The following LPP variants were observed in gnomAD, a reference collection of about 807,000 sequenced individuals.
The protein encoded by LPP is LIM domain containing preferred translocation partner in lipoma.
LPP carries 38 observed loss-of-function variants against 60.4 expected under a neutral mutation model. The ratio of observed to expected loss-of-function variants is 0.63; its 90% CI spans 0.49 to 0.83. LPP has a LOEUF of 0.83. Ranked by LOEUF, LPP falls within the 40% of genes least tolerant of loss-of-function variation. The pLI, the probability that LPP is intolerant of heterozygous loss-of-function variation, is 0.00. For synonymous variants in LPP, 328 were observed against 290.8 expected, an observed-to-expected ratio of 1.13 and a Z score of -1.30; for missense variants, 902 against 783.6, an observed-to-expected ratio of 1.15 and a Z score of -1.80.
intron 2 of LPP, chr3:188,240,244 T>A (rs1723606846): frequency 5.7e-6 from 1 of 174,788 alleles, no homozygotes; most frequent in Admixed American, 6.3e-5. Flanking sequence ...GTATCAAATT[T>A]TAAGCCAAAA....
chr3:188,574,536 A>G (rs1422241082), intron 6 of LPP, among the ~76,000 whole-genome samples: 2 of 152,196 alleles, frequency 1.3e-5, no homozygotes, highest in African/African-American at 4.8e-5. Flanking sequence ...CAAGAATAGT[A>G]TCTCTTCCTG....
At chr3:188,834,438 G>T (rs1159073100) in intron 9 of LPP, among the ~76,000 whole-genome samples, 1 of 147,850 alleles carries the variant, frequency 6.8e-6, no homozygotes, top group Non-Finnish European at 1.5e-5. Context: ...TCTGAGCCTG[G>T]TTCCTTGACG....
chr3:188,385,567 T>G (rs1398622195), intron 3 of LPP, among the ~76,000 whole-genome samples: 1 of 152,202 alleles, frequency 6.6e-6, no homozygotes, highest in Non-Finnish European at 1.5e-5. Flanking sequence ...GTTCCATACT[T>G]GTGGTATGGA....
chr3:188,848,178 T>C (rs574282518), intron 9 of LPP, among the ~76,000 whole-genome samples: 1 of 152,262 alleles, frequency 6.6e-6, no homozygotes, highest in Non-Finnish European at 1.5e-5. Context: ...TGATCTTATC[T>C]AATTGTTATG....
At chr3:188,279,135 T>G (rs1009403602) in intron 2 of LPP, among the ~76,000 whole-genome samples, 53 of 152,206 alleles carry the variant, frequency 3.5e-4, no homozygotes, top group Admixed American at 9.2e-4. Flanking sequence ...TAGTAGGAGA[T>G]CAAGTGGACT....
At chr3:188,828,170 A>G (rs1283218614) in intron 9 of LPP, among the ~76,000 whole-genome samples, 1 of 150,146 alleles carries the variant, frequency 6.7e-6, no homozygotes, top group African/African-American at 2.5e-5. Context: ...GTGGGGACAC[A>G]ATAAACAAAA....
At chr3:188,202,984 G>T (rs1731499574) in intron 1 of LPP, among the ~76,000 whole-genome samples, 1 of 150,228 alleles carries the variant, frequency 6.7e-6, no homozygotes, top group Non-Finnish European at 1.5e-5. Flanking sequence ...TTATTGCAGG[G>T]TTTATTTTAT....
At chr3:188,817,333 A>G (rs1450213147) in intron 9 of LPP, among the ~76,000 whole-genome samples, 2 of 152,184 alleles carry the variant, frequency 1.3e-5, no homozygotes, top group African/African-American at 4.8e-5. Context: ...TCCAGTGTGT[A>G]GTAGTGGGCA....
chr3:188,649,957 G>A (rs1851776162), intron 7 of LPP, among the ~76,000 whole-genome samples: 1 of 152,088 alleles, frequency 6.6e-6, no homozygotes, highest in African/African-American at 2.4e-5. Context: ...TTGTTTCTAT[G>A]TCTCTATTAT....
chr3:188,276,226 C>T (rs1739628860), intron 2 of LPP, among the ~76,000 whole-genome samples: 1 of 152,198 alleles, frequency 6.6e-6, no homozygotes, highest in Non-Finnish European at 1.5e-5. Flanking sequence ...CTCTGCTTAT[C>T]AACACAGCCA....
chr3:188,321,892 C>A (rs983078584), intron 2 of LPP, among the ~76,000 whole-genome samples: 8 of 152,148 alleles, frequency 5.3e-5, no homozygotes, highest in African/African-American at 1.9e-4. Flanking sequence ...TATAAGGCAT[C>A]CCATTTTCTT....
chr3:188,643,706 A>G (rs1850600776), intron 7 of LPP, among the ~76,000 whole-genome samples: 1 of 152,264 alleles, frequency 6.6e-6, no homozygotes, highest in South Asian at 2.1e-4. Context: ...CTGGCAGACC[A>G]TGAGACACCC....
intron 5 of LPP, among the ~76,000 whole-genome samples, chr3:188,489,906 C>T (rs75429459): frequency 0.013 from 1,978 of 152,272 alleles, 53 homozygotes; most frequent in African/African-American, 0.045. Flanking sequence ...CATTTGCCTA[C>T]TATTCAGTAT....
chr3:188,232,402 T>C (rs549174546), intron 2 of LPP, among the ~76,000 whole-genome samples: 1 of 151,942 alleles, frequency 6.6e-6, no homozygotes, highest in African/African-American at 2.4e-5. Context: ...TGGAGTGCAA[T>C]GGTACAGCTC....
At chr3:188,374,637 T>G (rs574983034) in intron 3 of LPP, among the ~76,000 whole-genome samples, 2 of 152,178 alleles carry the variant, frequency 1.3e-5, no homozygotes, top group African/African-American at 2.4e-5. Flanking sequence ...AGATATACAA[T>G]CATGTCGTCT....
intron 3 of LPP, among the ~76,000 whole-genome samples, chr3:188,362,893 G>C (rs561186869): frequency 6.6e-6 from 1 of 152,266 alleles, no homozygotes; most frequent in South Asian, 2.1e-4. Context: ...TGTAATCTAA[G>C]TTCACATCAA....
chr3:188,226,352 A>G (rs535746004), intron 2 of LPP, among the ~76,000 whole-genome samples: 1 of 152,132 alleles, frequency 6.6e-6, no homozygotes, highest in Non-Finnish European at 1.5e-5. Context: ...AGCAGGCTAA[A>G]TTTGCTTAGG....
At chr3:188,198,421 G>T (rs1034281992) in intron 1 of LPP, among the ~76,000 whole-genome samples, 1 of 152,240 alleles carries the variant, frequency 6.6e-6, no homozygotes, top group Non-Finnish European at 1.5e-5. Flanking sequence ...CATAGCTGTT[G>T]TGCTGTTCTG....
intron 5 of LPP, among the ~76,000 whole-genome samples, chr3:188,514,420 C>A (rs1816723214): frequency 6.7e-6 from 1 of 150,076 alleles, no homozygotes; most frequent in Non-Finnish European, 1.5e-5. Context: ...ATCCCTGTGG[C>A]AATTTTTTAT....
Sources: allele counts gnomAD v4.1 joint callset (sites outside exome capture counted in the v4.1 genomes callset), GRCh38; gene constraint gnomAD v4.1.1; transcripts MANE v1.5; gene names NCBI Gene and HGNC (gene_info 2026-07-23, HGNC 2026-07-21).